SLC5A11: variants seen among roughly 807,000 people sequenced by gnomAD.
SLC5A11 encodes the protein sodium/myo-inositol cotransporter 2.
In SLC5A11, 48 loss-of-function variants were observed where a neutral mutation model predicts 69.8. The observed-to-expected ratio is 0.69, with a 90% CI of 0.55 to 0.87. SLC5A11 has a LOEUF of 0.87. SLC5A11 is among the 40% of genes least tolerant of loss of function. The pLI is 0.00. For synonymous variants in SLC5A11, 319 were observed against 342.4 expected (o/e 0.93, Z 0.75); for missense variants, 784 against 866.1 (o/e 0.91, Z 1.19).
chr16:24,873,287 AAGG>A (rs1597098498), intron 5 of SLC5A11, among the ~76,000 whole-genome samples: 1 of 149,544 alleles, frequency 6.7e-6, no homozygotes, highest in African/African-American at 2.5e-5. Flanking sequence ...GGAAGGAAGG[AAGG>A]AAGGAAGGAA....
At chr16:24,888,946 A>G (rs960318903) in intron 8 of SLC5A11, among the ~76,000 whole-genome samples, 1 of 150,536 alleles carries the variant, frequency 6.6e-6, no homozygotes, top group African/African-American at 2.4e-5. Flanking sequence ...ACAGGCATGC[A>G]TCACCATGCC....
chr16:24,909,020 C>T (rs1236334493), exon 14 of SLC5A11: 1 of 1,614,160 alleles, frequency 6.2e-7, no homozygotes, highest in Non-Finnish European at 8.5e-7. Context: ...CTCTACTTCT[C>T]CATGATCCTG....
intron 9 of SLC5A11, among the ~76,000 whole-genome samples, chr16:24,893,409 T>C (rs2048945964): frequency 6.6e-6 from 1 of 151,870 alleles, no homozygotes; most frequent in Admixed American, 6.6e-5. Flanking sequence ...AAAAAGACAG[T>C]TGACCCATTC....
chr16:24,906,891 A>G (rs1262330193), intron 11 of SLC5A11, 127 bp downstream of exon 12: 1 of 1,430,602 alleles, frequency 7.0e-7, no homozygotes. Flanking sequence ...TGGGCTCCCC[A>G]AGAAAGGCTA....
intron 9 of SLC5A11, among the ~76,000 whole-genome samples, chr16:24,892,429 G>T (rs187831357): frequency 1.1e-4 from 15 of 139,776 alleles, no homozygotes; most frequent in Non-Finnish European, 2.3e-4. Flanking sequence ...ATGTGTACAA[G>T]AAGTCCTTTT....
intron 10 of SLC5A11, among the ~76,000 whole-genome samples, chr16:24,905,021 T>C (rs1047288574): frequency 6.6e-6 from 1 of 151,992 alleles, no homozygotes; most frequent in East Asian, 1.9e-4. Context: ...CTCCCACTTA[T>C]GAGTGAGAAC....
At chr16:24,881,613 A>T (rs537352073) in intron 7 of SLC5A11, among the ~76,000 whole-genome samples, 1 of 152,298 alleles carries the variant, frequency 6.6e-6, no homozygotes, top group East Asian at 1.9e-4. Flanking sequence ...TCTGATGATT[A>T]GCGATGATGA....
At chr16:24,860,055 G>A (rs914651918) in intron 2 of SLC5A11, among the ~76,000 whole-genome samples, 2 of 152,212 alleles carry the variant, frequency 1.3e-5, no homozygotes, top group Admixed American at 6.5e-5. Flanking sequence ...GGAGGCAGAG[G>A]TGGGCAGATC....
At chr16:24,872,068 C>G in intron 4 of SLC5A11, 92 bp from the exon 6 acceptor site, 1 of 1,456,984 alleles carries the variant, frequency 6.9e-7, no homozygotes, top group Non-Finnish European at 9.6e-7. Context: ...AGGTGGAGTT[C>G]AGGCCAGGCT....
At chr16:24,898,186 G>C in intron 10 of SLC5A11, 77 bp downstream of exon 11, 1 of 1,519,210 alleles carries the variant, frequency 6.6e-7, no homozygotes, top group South Asian at 1.3e-5. Flanking sequence ...CATATTATTA[G>C]AAGCCTCAAG....
intron 3 of SLC5A11, among the ~76,000 whole-genome samples, chr16:24,863,949 A>G (rs2152275771): frequency 6.6e-6 from 1 of 152,356 alleles, no homozygotes; most frequent in South Asian, 2.1e-4. Context: ...TGCTGGGCTC[A>G]TCTTTATTTG....
chr16:24,908,271 G>A, intron 13 of SLC5A11, 140 bp downstream of exon 14: 1 of 948,224 alleles, frequency 1.1e-6, no homozygotes, highest in Non-Finnish European at 1.5e-6. Flanking sequence ...ATTGGTGGAA[G>A]ATACAGGGAG....
At chr16:24,899,128 T>C (rs1031989146) in intron 10 of SLC5A11, among the ~76,000 whole-genome samples, 1 of 152,182 alleles carries the variant, frequency 6.6e-6, no homozygotes, top group Non-Finnish European at 1.5e-5. Context: ...ATAGAGTCCT[T>C]TCCTAGTGAT....
At chr16:24,849,683 T>C (rs2059216070) in intron 1 of SLC5A11, among the ~76,000 whole-genome samples, 1 of 144,872 alleles carries the variant, frequency 6.9e-6, no homozygotes, top group Non-Finnish European at 1.5e-5. Flanking sequence ...AGGTGCTCTG[T>C]GATGTCTATT....
At chr16:24,847,249 C>A (rs930493313) in intron 1 of SLC5A11, among the ~76,000 whole-genome samples, 3 of 143,142 alleles carry the variant, frequency 2.1e-5, no homozygotes, top group Non-Finnish European at 3.0e-5. Flanking sequence ...TCCTTCTTTC[C>A]TTCCTTCCCT....
chr16:24,908,280 A>T, intron 13 of SLC5A11, 149 bp downstream of exon 14: 2 of 904,564 alleles, frequency 2.2e-6, no homozygotes, highest in Non-Finnish European at 3.3e-6. Context: ...AGATACAGGG[A>T]GGGTGTTTAT....
At chr16:24,882,274 CACT>C (rs1360949611) in intron 7 of SLC5A11, among the ~76,000 whole-genome samples, 1 of 152,152 alleles carries the variant, frequency 6.6e-6, no homozygotes, top group Non-Finnish European at 1.5e-5. Context: ...AGATTCTCAT[CACT>C]GTTAATATAG....
chr16:24,849,572 C>CAAAAAAAAAAAAAAAAAAAA (rs1182615959), intron 1 of SLC5A11, among the ~76,000 whole-genome samples: 2 of 38,480 alleles, frequency 5.2e-5, no homozygotes, highest in Non-Finnish European at 8.8e-5. Context: ...GCCTTGGGGG[C>CAAAAAAAAAAAAAAAAAAAA]AAAAAAAAAA....
chr16:24,862,794 A>G, intron 3 of SLC5A11, 122 bp downstream of exon 4: 1 of 732,488 alleles, frequency 1.4e-6, no homozygotes, highest in Non-Finnish European at 2.1e-6. Context: ...CATTGTCTAA[A>G]CTAGAGAAGG....
Sources: allele counts gnomAD v4.1 joint callset (sites outside exome capture counted in the v4.1 genomes callset), GRCh38; gene constraint gnomAD v4.1.1; transcripts MANE v1.5; gene names NCBI Gene and HGNC (gene_info 2026-07-23, HGNC 2026-07-21).